NIBAN1: variants seen among roughly 807,000 people sequenced by gnomAD.
NIBAN1 encodes the protein protein Niban 1.
NIBAN1 carries 81 observed loss-of-function variants against 75.1 expected under a neutral mutation model. The ratio of observed to expected loss-of-function variants is 1.08; its 90% CI spans 0.90 to 1.30. NIBAN1 has a LOEUF of 1.30. Among genes scored for constraint, NIBAN1 ranks in the 50% most tolerant of loss-of-function variants. The pLI, the probability that NIBAN1 is intolerant of heterozygous loss-of-function variation, is 0.00. For missense variants in NIBAN1, 1,133 were observed against 1,128.1 expected (o/e 1.00, Z -0.06); for synonymous variants, 436 against 424.8 (o/e 1.03, Z -0.32).
At chr1:184,913,155 T>A (rs10797992) in intron 1 of NIBAN1, among the ~76,000 whole-genome samples, 14 of 74,788 alleles carry the variant, frequency 1.9e-4, no homozygotes, top group South Asian at 6.1e-4. Flanking sequence ...ATATATATAT[T>A]ATATATATAT....
At chr1:184,931,197 A>C (rs2102032555) in intron 1 of NIBAN1, among the ~76,000 whole-genome samples, 1 of 151,816 alleles carries the variant, frequency 6.6e-6, no homozygotes, top group Middle Eastern at 3.4e-3. Context: ...ACGGGGTTTC[A>C]CCATGTTGGC....
intron 1 of NIBAN1, among the ~76,000 whole-genome samples, chr1:184,934,190 C>G (rs889955752): frequency 2.5e-4 from 38 of 152,222 alleles, no homozygotes; most frequent in African/African-American, 8.9e-4. Context: ...CAGCTAGAAG[C>G]CATTATCCTA....
intron 9 of NIBAN1, among the ~76,000 whole-genome samples, chr1:184,813,824 T>A (rs986324416): frequency 6.6e-6 from 1 of 152,128 alleles, no homozygotes; most frequent in East Asian, 1.9e-4. Context: ...ACACATGGAG[T>A]TCGATGCTGG....
intron 1 of NIBAN1, among the ~76,000 whole-genome samples, chr1:184,906,865 A>G (rs1657119781): frequency 6.6e-6 from 1 of 152,188 alleles, no homozygotes; most frequent in Non-Finnish European, 1.5e-5. Flanking sequence ...TTCTCATTCT[A>G]GAAGGTTCTT....
intron 5 of NIBAN1, chr1:184,867,974 A>C (rs1656001889): frequency 2.0e-6 from 2 of 985,266 alleles, no homozygotes; most frequent in East Asian, 2.3e-4. Context: ...AAAGGTGGGG[A>C]AGGAAAAAAC....
chr1:184,852,159 T>C (rs553319730), intron 5 of NIBAN1, among the ~76,000 whole-genome samples: 51 of 152,280 alleles, frequency 3.3e-4, no homozygotes, highest in African/African-American at 1.2e-3. Flanking sequence ...ACATTCTTTT[T>C]TCTTCTCCTG....
intron 5 of NIBAN1, among the ~76,000 whole-genome samples, chr1:184,876,184 A>C (rs568376118): frequency 6.6e-6 from 1 of 152,156 alleles, no homozygotes; most frequent in East Asian, 1.9e-4. Context: ...CAGAAAAAAA[A>C]AAAAAGAAAA....
chr1:184,938,324 G>A (rs1045031953), intron 1 of NIBAN1, among the ~76,000 whole-genome samples: 1 of 152,134 alleles, frequency 6.6e-6, no homozygotes, highest in Non-Finnish European at 1.5e-5. Flanking sequence ...ACTATTTAGT[G>A]GGGGGTTGTT....
In NIBAN1 at chr1:184,965,528, A is replaced by T. The variant is rs114333176; in HGVS notation, c.55+8774T>A. Among the ~76,000 whole-genome samples the T allele has an allele frequency of 3.6e-3, 544 of 152,264 alleles. 3 individuals carry two copies. The highest frequency in any genetic ancestry group is 0.013 in the African/African-American group (521 of 41,530). ...GAGCTGGAGGTCATTATTCTTAGCAAACTAACGCAGGAACAGAAAACCAAA... is the reference window on the plus strand; with the variant it reads ...GAGCTGGAGGTCATTATTCTTAGCATACTAACGCAGGAACAGAAAACCAAA... On this transcript the variant is annotated intron_variant, in intron 1 of 13. Transcript: ENST00000367511.
intron 5 of NIBAN1, among the ~76,000 whole-genome samples, chr1:184,859,071 T>TTTTA (rs1655749245): frequency 6.6e-6 from 1 of 151,970 alleles, no homozygotes; most frequent in African/African-American, 2.4e-5. Context: ...CTAATTCCTC[T>TTTTA]ATGGAGGAAT....
In NIBAN1 at chr1:184,793,716, T is replaced by C. The variant is rs983814640; in HGVS notation, c.*1261A>G. On this transcript the variant is annotated 3_prime_UTR_variant, in exon 14 of 14. Coordinates refer to ENST00000367511, the MANE Select transcript of NIBAN1 (RefSeq NM_052966.4). ...AAGTCTCTTCCATTTTCAACATTAA[T>C]GGTTATAGGTCACCATCCGTTAAGA... is the stretch of plus-strand genomic sequence containing the variant. The C allele has an allele frequency of 2.6e-5, 4 of 152,232 alleles. No homozygotes were observed. Among genetic ancestry groups the C allele is most frequent in the African/African-American group, 9.6e-5 (4 of 41,462 alleles). 9.4% of individuals were successfully genotyped at this position (152,232 alleles called of 1,614,324 possible). A position where few individuals can be genotyped will look rare whatever the true frequency, so the allele number is the denominator to read the frequency against.
chr1:184,967,921 C>CAAAATCCTTTATGGCTTTGCAACAT (rs1571613199), intron 1 of NIBAN1, among the ~76,000 whole-genome samples: 2 of 74,550 alleles, frequency 2.7e-5, no homozygotes, highest in African/African-American at 9.0e-5. Flanking sequence ...TCACAACTCA[C>CAAAATCCTTTATGGCTTTGCAACAT]GGCCGGGCGC....
intron 1 of NIBAN1, among the ~76,000 whole-genome samples, chr1:184,942,694 A>C (rs1421140064): frequency 1.5e-4 from 8 of 53,826 alleles, no homozygotes; most frequent in African/African-American, 9.7e-4. Flanking sequence ...ACTCCGTCTC[A>C]AAAAAAAAAA....
chr1:184,944,864 G>T (rs1055117094), intron 1 of NIBAN1, among the ~76,000 whole-genome samples: 1 of 152,168 alleles, frequency 6.6e-6, no homozygotes, highest in Non-Finnish European at 1.5e-5. Context: ...TAATTACTGG[G>T]ATTTAGTGTA....
intron 1 of NIBAN1, among the ~76,000 whole-genome samples, chr1:184,906,522 C>G (rs756995881): frequency 2.0e-5 from 3 of 151,828 alleles, no homozygotes; most frequent in Admixed American, 1.3e-4. Flanking sequence ...CCCAGCTACT[C>G]GGGAGGCTGA....
intron 1 of NIBAN1, among the ~76,000 whole-genome samples, chr1:184,941,588 T>G (rs2102049141): frequency 6.7e-6 from 1 of 149,946 alleles, no homozygotes; most frequent in Admixed American, 6.7e-5. Context: ...GGATCAAGGC[T>G]GCAGTTAGCT....
At chr1:184,817,488 GAC>G (rs1557875531) in intron 9 of NIBAN1, among the ~76,000 whole-genome samples, 1 of 152,084 alleles carries the variant, frequency 6.6e-6, no homozygotes, top group Non-Finnish European at 1.5e-5. Flanking sequence ...CACTCCCGCC[GAC>G]AGTGTAAAAG....
intron 5 of NIBAN1, among the ~76,000 whole-genome samples, chr1:184,876,420 G>A (rs991812240): frequency 6.6e-6 from 1 of 152,042 alleles, no homozygotes; most frequent in African/African-American, 2.4e-5. Context: ...AACTGGGGCC[G>A]GGCATGGTGG....
chr1:184,835,922 C>T lies in NIBAN1; in HGVS notation c.602-3960G>A, dbSNP rs370587562. On this transcript the variant is annotated intron_variant, in intron 5 of 13. Coordinates refer to ENST00000367511, the MANE Select transcript of NIBAN1 (RefSeq NM_052966.4). Reference sequence around the variant, plus strand: ...AGAGAGGGCATCCCTGTCTTGTGCCCGTTTTCAAAGGGAATGCTTCCAGTT... The same window carrying T: ...AGAGAGGGCATCCCTGTCTTGTGCCTGTTTTCAAAGGGAATGCTTCCAGTT... Among the ~76,000 whole-genome samples, 9 of 152,090 alleles carry T rather than the reference C, an allele frequency of 5.9e-5. No individual in the cohort carries two copies. In the East Asian group the frequency reaches 1.4e-3, roughly 23 times the overall value.
Sources: gnomAD v4.1 joint callset for allele counts (sites outside exome capture counted in the v4.1 genomes callset) on GRCh38, gnomAD v4.1.1 for gene constraint, MANE v1.5 for transcripts, NCBI Gene and HGNC (gene_info 2026-07-23, HGNC 2026-07-21) for gene names.